Variants in ATP2B3 observed in about 807,000 individuals in gnomAD.
The protein encoded by ATP2B3 is ATPase plasma membrane Ca2+ transporting 3, also known as plasma membrane calcium-transporting ATPase 3.
Under a neutral mutation model 70.8 loss-of-function variants are expected in ATP2B3, and 12 were observed. That is an observed-to-expected ratio of 0.17 (90% confidence interval 0.11 to 0.27). The LOEUF is 0.27. ATP2B3 is among the 10% of genes least tolerant of loss of function. The probability of loss-of-function intolerance (pLI) is 1.00; values close to 1 mark genes in which losing one functional copy is unlikely to be tolerated. For missense variants in ATP2B3, 858 were observed against 1,118.5 expected (o/e 0.77, Z 3.32); for synonymous variants, 460 against 497.8 (o/e 0.92, Z 1.01).
At chrX:153,572,872 G>T (rs1299188339) in intron 21 of ATP2B3, among the ~76,000 whole-genome samples, 1 of 112,325 alleles carries the variant, frequency 8.9e-6, no homozygotes, top group African/African-American at 3.2e-5. Flanking sequence ...GGCACAGGGG[G>T]CTGCGCGTCT....
chrX:153,580,550 G>A lies in ATP2B3; in HGVS notation c.*252G>A. The A allele has an allele frequency of 6.0e-6, 2 of 334,303 alleles. No homozygotes were observed. The highest frequency in any genetic ancestry group is 5.2e-6 in the Non-Finnish European group (1 of 191,736). The allele number at this position is 334,303 out of a possible 1,213,427, so 27.6% of individuals were successfully genotyped here. ...GGGAGGAGGAAAAGGAGGAAGAGGA[G>A]GACAAAAAGGGGGAGGAGAAGGTTC... On this transcript the variant is annotated 3_prime_UTR_variant, in exon 22 of 22. Coordinates refer to ENST00000263519, the MANE Select transcript of ATP2B3 (RefSeq NM_001001344.3).
chrX:153,551,939 G>T (rs1055688655), intron 12 of ATP2B3, among the ~76,000 whole-genome samples: 2 of 112,250 alleles, frequency 1.8e-5, no homozygotes, highest in Non-Finnish European at 3.8e-5. Context: ...GGACGCCCAG[G>T]GCTCCCCAAA....
Position 153,542,594 on chromosome X carries a change from T to C in ATP2B3, c.790+146T>C, listed in dbSNP as rs2090303245. 2.2e-5 allele frequency: 19 copies of C among 864,224 alleles called. No individual in the cohort carries two copies. The South Asian group carries it at 4.8e-4, about 22-fold the overall frequency. 71.2% of individuals were successfully genotyped at this position (864,224 alleles called of 1,213,427 possible). A position where few individuals can be genotyped will look rare whatever the true frequency, so the allele number is the denominator to read the frequency against. The stretch of plus-strand genomic sequence containing the variant: ...ACCTTCAGGTTGGGAATCTGAAGAC[T>C]CCGCCCGTCTTGAGGCCTGATGGTG... On this transcript the variant is annotated intron_variant, in intron 6 of 21. Transcript: ENST00000263519.
chrX:153,538,960 C>G (rs782738349), intron 3 of ATP2B3, among the ~76,000 whole-genome samples: 2 of 113,032 alleles, frequency 1.8e-5, no homozygotes, highest in African/African-American at 6.4e-5. Context: ...CAGGGACAAA[C>G]TGGGCATGTG....
Position 153,553,081 on chromosome X carries a change from C to T in ATP2B3, c.1870C>T (p.Pro624Ser). The stretch of plus-strand genomic sequence containing the variant: ...CAATGGCGAACTCCGGGGCTTTCGG[C>T]CTCGGGACCGGGACGACATGGTGAG... Reference protein sequence around the residue: ...NSNGELRGFRPRDRDDMVRKI... With the variant: ...NSNGELRGFRSRDRDDMVRKI... The change falls in exon 13 of 22, where the codon CCT becomes TCT. Residue 624 changes from proline to serine, a missense_variant. Physicochemically the swap from Pro to Ser is moderately conservative, Grantham distance 74 (BLOSUM62 -1). Coordinates refer to ENST00000263519, the MANE Select transcript of ATP2B3 (RefSeq NM_001001344.3). 1 of 1,208,454 alleles carries T rather than the reference C, an allele frequency of 8.3e-7. No homozygotes were observed. The highest frequency in any genetic ancestry group is 1.1e-6 in the Non-Finnish European group (1 of 892,613).
At chrX:153,552,414 C>T (rs1437738142) in intron 12 of ATP2B3, among the ~76,000 whole-genome samples, 3 of 112,350 alleles carry the variant, frequency 2.7e-5, no homozygotes, top group Non-Finnish European at 5.6e-5. Flanking sequence ...CCACCATGCC[C>T]GCCTCTGTGA....
At chrX:153,554,331 G>A (rs1037380784) in intron 13 of ATP2B3, among the ~76,000 whole-genome samples, 3 of 113,343 alleles carry the variant, frequency 2.6e-5, no homozygotes, top group African/African-American at 6.4e-5. Context: ...CTGGTGAGGC[G>A]AAGCAAGGCC....
chrX:153,578,792 T>C (rs5945310), intron 21 of ATP2B3, among the ~76,000 whole-genome samples: 43,560 of 110,613 alleles, frequency 0.39, 6,752 homozygotes, highest in East Asian at 0.51. Flanking sequence ...AGACGCAAGT[T>C]TTGGAATGTC....
At chrX:153,543,513 GGT>G (rs2090318879) in intron 7 of ATP2B3, among the ~76,000 whole-genome samples, 1 of 112,838 alleles carries the variant, frequency 8.9e-6, no homozygotes, top group Non-Finnish European at 1.9e-5. Flanking sequence ...TGCCCAGTAA[GGT>G]GCCGAGGATC....
rs782321340 is a variant in ATP2B3 at position 153,553,311 on chromosome X, C to T, written c.2058+42C>T. 7.9e-6 allele frequency: 9 copies of T among 1,132,394 alleles called. No homozygotes were observed. In the Admixed American group the frequency reaches 1.6e-4, roughly 20 times the overall value. 93.3% of individuals were successfully genotyped at this position (1,132,394 alleles called of 1,213,427 possible). On this transcript the variant is annotated intron_variant, in intron 13 of 21. Coordinates refer to ENST00000263519, the MANE Select transcript of ATP2B3 (RefSeq NM_001001344.3). Reference sequence around the variant, plus strand: ...CTGTGAGCTGCCCTGGTAACTGTGCCCTCTGCCCGAGCTTGTCCGGACTGG... The same window carrying T: ...CTGTGAGCTGCCCTGGTAACTGTGCTCTCTGCCCGAGCTTGTCCGGACTGG...
intron 21 of ATP2B3, chrX:153,569,487 G>A: frequency 2.3e-6 from 2 of 876,560 alleles, no homozygotes; most frequent in Non-Finnish European, 3.3e-6. Flanking sequence ...GACCCGATGA[G>A]GCTTTGCTGT....
chrX:153,521,048 G>A (rs1393008982), intron 2 of ATP2B3, among the ~76,000 whole-genome samples: 1 of 113,263 alleles, frequency 8.8e-6, no homozygotes, highest in East Asian at 2.8e-4. Flanking sequence ...GCACGTAAAT[G>A]GCAGCTGATA....
rs781894473 is a variant in ATP2B3 at position 153,556,586 on chromosome X, G to A, written c.2326+168G>A. Among the ~76,000 whole-genome samples, 4 of 112,140 alleles carry A rather than the reference G, an allele frequency of 3.6e-5. No homozygotes were observed. In the South Asian group the frequency reaches 1.5e-3, roughly 42 times the overall value. The stretch of plus-strand genomic sequence containing the variant: ...GGGCAGGGGCCCATGAGGGAACCAG[G>A]GTTCGGGGAGGGCTAGTGACTCACT... On this transcript the variant is annotated intron_variant, in intron 15 of 21. Transcript: ENST00000263519.
In ATP2B3 at chrX:153,569,580, T is replaced by C. The variant is rs781980446; in HGVS notation, c.3342+4477T>C. ...CCTGGACAACAGTGCAAGCCAAACT[T>C]TATCTCATTTTCTCTCCCACAGATG... is the stretch of plus-strand genomic sequence containing the variant. On this transcript the variant is annotated intron_variant, in intron 21 of 21. Coordinates refer to ENST00000263519, the MANE Select transcript of ATP2B3 (RefSeq NM_001001344.3). The C allele has an allele frequency of 3.3e-6, 4 of 1,207,257 alleles. No homozygotes were observed. In the African/African-American group the frequency reaches 5.3e-5, roughly 16 times the overall value.
chrX:153,580,365 C>A lies in ATP2B3; in HGVS notation c.*67C>A. 1 of 1,008,347 alleles carries A rather than the reference C, an allele frequency of 9.9e-7. No individual in the cohort carries two copies. Among genetic ancestry groups the A allele is most frequent in the Non-Finnish European group, 1.4e-6 (1 of 734,939 alleles). The allele number at this position is 1,008,347 out of a possible 1,213,427, so 83.1% of individuals were successfully genotyped here. A position where few individuals can be genotyped will look rare whatever the true frequency, so the allele number is the denominator to read the frequency against. ...TCACACGAAGTCACACGCACACATG[C>A]ACGCACACACACATATGGGGACCTG... On this transcript the variant is annotated 3_prime_UTR_variant, in exon 22 of 22. Transcript: ENST00000263519.
intron 15 of ATP2B3, 48 bp from the exon 16 acceptor site, chrX:153,556,869 G>A: frequency 8.8e-7 from 1 of 1,137,923 alleles, no homozygotes; most frequent in South Asian, 1.9e-5. Context: ...ACACAGGGTT[G>A]TGGTGACAGA....
chrX:153,563,229 A>G (rs144813803), intron 20 of ATP2B3, among the ~76,000 whole-genome samples: 10 of 94,024 alleles, frequency 1.1e-4, no homozygotes, highest in African/African-American at 3.7e-4. Context: ...GTAGCCTCGA[A>G]CTCCCAGGCT....
chrX:153,580,245 G>A lies in ATP2B3; in HGVS notation c.3610G>A (p.Val1204Met). The change falls in exon 22 of 22, where the codon GTG becomes ATG. Residue 1204 changes from valine (V) to methionine (M), a missense_variant. Val to Met is a conservative substitution (Grantham distance 21). Around this residue, in one of 5 missense-constraint regions of ATP2B3, gnomAD observed 265 missense variants for 305.3 expected, o/e 0.87. Coordinates refer to ENST00000263519, the MANE Select transcript of ATP2B3 (RefSeq NM_001001344.3). ...THVTKSATSSVFSSSPGSPLH... is the reference protein window; with the variant it reads ...THVTKSATSSMFSSSPGSPLH... ...TGTCACCAAGTCAGCTACCTCTTCA[G>A]TGTTTTCCTCCAGTCCCGGGAGCCC... The A allele has an allele frequency of 8.3e-7, 1 of 1,205,632 alleles. No homozygotes were observed. Among genetic ancestry groups the A allele is most frequent in the Non-Finnish European group, 1.1e-6 (1 of 894,011 alleles).
chrX:153,552,040 C>T (rs1210579649), intron 12 of ATP2B3, among the ~76,000 whole-genome samples: 1 of 112,813 alleles, frequency 8.9e-6, no homozygotes, highest in Non-Finnish European at 1.9e-5. Context: ...TCTCCCAGAA[C>T]TCTGCCAGGT....
Sources: gnomAD v4.1 joint callset for allele counts (sites outside exome capture counted in the v4.1 genomes callset) on GRCh38, gnomAD v4.1.1 for gene constraint, gnomAD v4.1.1 regional missense constraint, MANE v1.5 for transcripts, NCBI Gene and HGNC (gene_info 2026-07-23, HGNC 2026-07-21) for gene names.